Variants in SPIN1 observed in about 807,000 individuals in gnomAD.
SPIN1 encodes spindlin-1.
Under a neutral mutation model 26.0 loss-of-function variants are expected in SPIN1, and 3 were observed. The observed-to-expected ratio is 0.12, with a 90% CI of 0.05 to 0.30. SPIN1 has a LOEUF of 0.30. Ranked by LOEUF, SPIN1 falls within the 10% of genes least tolerant of loss-of-function variation. SPIN1 has a pLI of 1.00. For missense variants in SPIN1, 126 were observed against 333.4 expected, an observed-to-expected ratio of 0.38 and a Z score of 4.84; for synonymous variants, 101 against 116.5, an observed-to-expected ratio of 0.87 and a Z score of 0.86.
chr9:88,416,155 C>T (rs1380615249), intron 1 of SPIN1, among the ~76,000 whole-genome samples: 1 of 152,082 alleles, frequency 6.6e-6, no homozygotes, highest in Non-Finnish European at 1.5e-5. Flanking sequence ...AAACCATTGA[C>T]CCTAAATTTT....
intron 1 of SPIN1, among the ~76,000 whole-genome samples, chr9:88,412,881 A>C (rs537877817): frequency 6.6e-6 from 1 of 151,982 alleles, no homozygotes; most frequent in South Asian, 2.1e-4. Flanking sequence ...ACAGGGTTTC[A>C]CTATGTTGGC....
chr9:88,448,551 G>T (rs1481020709), intron 2 of SPIN1, among the ~76,000 whole-genome samples: 1 of 151,474 alleles, frequency 6.6e-6, no homozygotes, highest in Non-Finnish European at 1.5e-5. Context: ...GTCTTGCTAT[G>T]TTACCCAGGC....
chr9:88,425,103 A>G (rs1827739114), intron 1 of SPIN1, among the ~76,000 whole-genome samples: 1 of 152,150 alleles, frequency 6.6e-6, no homozygotes. Flanking sequence ...TGGTCAAAGT[A>G]GACTGCACTT....
At chr9:88,424,575 C>T (rs558263579) in intron 1 of SPIN1, among the ~76,000 whole-genome samples, 6 of 151,920 alleles carry the variant, frequency 3.9e-5, no homozygotes, top group Admixed American at 6.6e-5. Context: ...GGAGATAATG[C>T]GATATTGGAA....
At chr9:88,408,150 A>G (rs1241469659) in intron 1 of SPIN1, among the ~76,000 whole-genome samples, 1 of 150,738 alleles carries the variant, frequency 6.6e-6, no homozygotes, top group Non-Finnish European at 1.5e-5. Context: ...GTTTGGTTAT[A>G]TATTTCTTTA....
intron 3 of SPIN1, among the ~76,000 whole-genome samples, chr9:88,462,230 A>T (rs1050854763): frequency 6.6e-6 from 1 of 152,210 alleles, no homozygotes; most frequent in Non-Finnish European, 1.5e-5. Context: ...TTAAGTTGCT[A>T]TTGACTAGTA....
rs377232469 is a variant in SPIN1, at chr9:88,433,578, G to A, written c.52+6987G>A. ...GGCTCTTGTTGCCTGGACTTCTCCT[G>A]CCTTATTGGGGAGTCTGTGAAATGT... On this transcript the variant is annotated intron_variant, in intron 2 of 5. Transcript: ENST00000375859. 2.0e-5 allele frequency among the ~76,000 whole-genome samples: 3 copies of A among 152,192 alleles called. No individual in the cohort carries two copies. In the South Asian group the frequency reaches 6.2e-4, roughly 32 times the overall value.
intron 1 of SPIN1, among the ~76,000 whole-genome samples, chr9:88,420,373 C>T (rs539136361): frequency 6.6e-6 from 1 of 152,266 alleles, no homozygotes; most frequent in East Asian, 1.9e-4. Context: ...GAGACTCCGT[C>T]TCAACAAAAC....
At chr9:88,411,909 C>T (rs1464265688) in intron 1 of SPIN1, among the ~76,000 whole-genome samples, 2 of 151,808 alleles carry the variant, frequency 1.3e-5, no homozygotes, top group African/African-American at 4.8e-5. Context: ...TGCGGTGGCT[C>T]ATGCCTGTAA....
chr9:88,469,379 T>C lies in SPIN1; in HGVS notation c.589+774T>C, dbSNP rs538262401. On this transcript the variant is annotated intron_variant, in intron 5 of 5. Coordinates refer to ENST00000375859, the MANE Select transcript of SPIN1 (RefSeq NM_006717.3). ...TCAGAAAACGATTGACTGCTAACTT[T>C]TCAGTAGCAAGTGGAGTACAGAGTC... 1.1e-3 allele frequency among the ~76,000 whole-genome samples: 175 copies of C among 152,312 alleles called. 1 individual carries two copies. Among genetic ancestry groups the C allele is most frequent in the African/African-American group, 3.9e-3 (162 of 41,570 alleles).
chr9:88,450,595 A>G (rs1828336019), intron 3 of SPIN1, among the ~76,000 whole-genome samples: 1 of 152,340 alleles, frequency 6.6e-6, no homozygotes. Flanking sequence ...CGAAACACCT[A>G]AAGTTCGTAT....
intron 1 of SPIN1, among the ~76,000 whole-genome samples, chr9:88,420,591 TAC>T (rs1827650245): frequency 6.6e-6 from 1 of 152,232 alleles, no homozygotes; most frequent in Admixed American, 6.5e-5. Context: ...TTTGATTAGT[TAC>T]AGTTCTTTTC....
At chr9:88,428,081 A>G (rs1827797211) in intron 2 of SPIN1, among the ~76,000 whole-genome samples, 1 of 152,182 alleles carries the variant, frequency 6.6e-6, no homozygotes. Context: ...TGACTGGTGA[A>G]ACCTCCCAGG....
chr9:88,432,247 T>C (rs1827894548), intron 2 of SPIN1, among the ~76,000 whole-genome samples: 1 of 127,200 alleles, frequency 7.9e-6, no homozygotes. Context: ...CTAAGTGCAA[T>C]GGCATGATCT....
intron 1 of SPIN1, among the ~76,000 whole-genome samples, chr9:88,422,546 T>C (rs1341341407): frequency 6.6e-6 from 1 of 152,228 alleles, no homozygotes; most frequent in Non-Finnish European, 1.5e-5. Context: ...CACTCATTAG[T>C]GTTTTCCTTT....
At chr9:88,431,688 A>G (rs1827875771) in intron 2 of SPIN1, among the ~76,000 whole-genome samples, 1 of 152,168 alleles carries the variant, frequency 6.6e-6, no homozygotes, top group Admixed American at 6.5e-5. Context: ...TGTCTTCTGA[A>G]ACTTTTATGA....
chr9:88,435,720 G>T (rs1827986692), intron 2 of SPIN1, among the ~76,000 whole-genome samples: 1 of 152,030 alleles, frequency 6.6e-6, no homozygotes, highest in Non-Finnish European at 1.5e-5. Flanking sequence ...TGTGATAGGG[G>T]TCATTTACCT....
chr9:88,400,844 CAA>C (rs754813928), intron 1 of SPIN1, among the ~76,000 whole-genome samples: 21,446 of 99,508 alleles, frequency 0.22, 1,973 homozygotes, highest in African/African-American at 0.32. Flanking sequence ...GACTCCGCCT[CAA>C]AAAAAAAAAA....
chr9:88,395,693 T>C (rs1827038304), intron 1 of SPIN1, among the ~76,000 whole-genome samples: 1 of 151,992 alleles, frequency 6.6e-6, no homozygotes, highest in African/African-American at 2.4e-5. Context: ...AGCAGTTCTT[T>C]TACCTGGGCT....
Sources: allele counts gnomAD v4.1 joint callset (sites outside exome capture counted in the v4.1 genomes callset), GRCh38; gene constraint gnomAD v4.1.1; transcripts MANE v1.5; gene names NCBI Gene and HGNC (gene_info 2026-07-23, HGNC 2026-07-21).